ERG: variants seen among roughly 807,000 people sequenced by gnomAD.
ERG encodes transcriptional regulator ERG.
ERG carries 9 observed loss-of-function variants against 55.3 expected under a neutral mutation model. The observed-to-expected ratio is 0.16, with a 90% CI of 0.10 to 0.28. ERG has a LOEUF of 0.28. ERG is among the 10% of genes least tolerant of loss of function. The pLI is 1.00. For missense variants in ERG, 434 were observed against 631.6 expected, an observed-to-expected ratio of 0.69 and a Z score of 3.35; for synonymous variants, 223 against 237.3, an observed-to-expected ratio of 0.94 and a Z score of 0.55.
the ERG span, among the ~76,000 whole-genome samples, chr21:38,368,903 T>C: frequency 2.2e-4 from 34 of 152,186 alleles, no homozygotes; most frequent in Admixed American, 1.8e-3. Context: ...CTGTGAAGGA[T>C]AATGACCTCC....
chr21:38,573,969 G>A (rs1188978338), intron 2 of ERG, among the ~76,000 whole-genome samples: 2 of 152,116 alleles, frequency 1.3e-5, no homozygotes, highest in Admixed American at 6.5e-5. Flanking sequence ...TTTCAAAGAT[G>A]GTGTTTTCAG....
rs1481104856 is a variant in ERG, at chr21:38,460,842, T to C, written c.19-15221A>G. ...GTTTTAACGAGCTCTGAATGGCAAA[T>C]GGCAGACAATGGTGTCACTTCCTTT... On this transcript the variant is annotated intron_variant, in intron 1 of 9. Transcript: ENST00000288319. The surrounding 1 kb of genome is among the most constrained non-coding windows in gnomAD (Gnocchi z 5.0). Among the ~76,000 whole-genome samples, 1 of 152,196 alleles carries C rather than the reference T, an allele frequency of 6.6e-6. No homozygotes were observed. Among genetic ancestry groups the C allele is most frequent in the Non-Finnish European group, 1.5e-5 (1 of 68,018 alleles).
At chr21:38,519,430 G>A (rs2059577184) in intron 2 of ERG, among the ~76,000 whole-genome samples, 1 of 152,080 alleles carries the variant, frequency 6.6e-6, no homozygotes, top group African/African-American at 2.4e-5. Flanking sequence ...TAAACAATAG[G>A]AGCTGTGGCC....
intron 2 of ERG, among the ~76,000 whole-genome samples, chr21:38,430,081 AT>A (rs113562425): frequency 0.26 from 39,594 of 149,666 alleles, 5,305 homozygotes; most frequent in East Asian, 0.43. Context: ...GCCAACATCT[AT>A]TTTTTTTTTA....
At chr21:38,534,545 T>C (rs1036785910) in intron 2 of ERG, among the ~76,000 whole-genome samples, 2 of 131,340 alleles carry the variant, frequency 1.5e-5, no homozygotes, top group Non-Finnish European at 1.8e-5. Flanking sequence ...ATGGCTACTA[T>C]GAAATATAAA....
intron 2 of ERG, among the ~76,000 whole-genome samples, chr21:38,438,056 G>A (rs2058807354): frequency 6.6e-6 from 1 of 152,116 alleles, no homozygotes; most frequent in South Asian, 2.1e-4. Context: ...CAGCCACGAT[G>A]GCCTGCTTGT....
intron 3 of ERG, among the ~76,000 whole-genome samples, chr21:38,421,915 C>A (rs781720914): frequency 4.6e-5 from 7 of 152,176 alleles, no homozygotes; most frequent in South Asian, 4.1e-4. Flanking sequence ...TGCAATGGCA[C>A]AATTTTGGCT....
chr21:38,400,098 A>G (rs1279684271), intron 6 of ERG: 1 of 323,566 alleles, frequency 3.1e-6, no homozygotes, highest in East Asian at 5.0e-5. Flanking sequence ...ATGTAAATTT[A>G]TTACCTAATT....
At chr21:38,628,952 T>C (rs462006) in intron 1 of ERG, among the ~76,000 whole-genome samples, 21,267 of 152,268 alleles carry the variant, frequency 0.14, 1,949 homozygotes, top group East Asian at 0.3. Context: ...CAAACCTTTC[T>C]AAACAAATTA....
chr21:38,612,560 C>T (rs1232380158), intron 1 of ERG, among the ~76,000 whole-genome samples: 1 of 152,068 alleles, frequency 6.6e-6, no homozygotes, highest in Non-Finnish European at 1.5e-5. Context: ...TTTCTCTATC[C>T]TGCATTTTAT....
At chr21:38,493,789 T>C (rs989978082) in intron 1 of ERG, among the ~76,000 whole-genome samples, 2 of 152,166 alleles carry the variant, frequency 1.3e-5, no homozygotes, top group African/African-American at 4.8e-5. Flanking sequence ...CAAGCACCCC[T>C]GCAAGCTCCC....
chr21:38,440,926 T>C (rs2058835567), intron 2 of ERG, among the ~76,000 whole-genome samples: 1 of 152,104 alleles, frequency 6.6e-6, no homozygotes, highest in African/African-American at 2.4e-5. Context: ...TGATAACTGT[T>C]CAGCTTTCTT....
chr21:38,557,416 TTCAC>T (rs2059864792), intron 2 of ERG, among the ~76,000 whole-genome samples: 1 of 152,184 alleles, frequency 6.6e-6, no homozygotes, highest in South Asian at 2.1e-4. Flanking sequence ...GCCCCTGGGC[TTCAC>T]TCAGACAGTG....
chr21:38,440,995 C>A (rs1258331150), intron 2 of ERG, among the ~76,000 whole-genome samples: 1 of 152,126 alleles, frequency 6.6e-6, no homozygotes, highest in Non-Finnish European at 1.5e-5. Flanking sequence ...ACTGACTCAC[C>A]ACTTATGTTT....
intron 1 of ERG, among the ~76,000 whole-genome samples, chr21:38,610,521 A>AGG (rs1156755024): frequency 1.6e-5 from 2 of 124,556 alleles, no homozygotes; most frequent in African/African-American, 6.6e-5. Flanking sequence ...ACGTGCGCGC[A>AGG]CGCGCGTGTG....
In ERG at chr21:38,383,646, G is replaced by C; in HGVS notation, c.1197C>G (p.Leu399=). The change falls in exon 10 of 10, where the codon CTC becomes CTG. Residue 399 remains leucine (L), a synonymous_variant. Transcript: ENST00000288319. This position sits in a 1 kb window ranked among gnomAD's most constrained non-coding sequence, Gnocchi z 5.7. ...GAGATGACTCCGGGGGGTGGGGCTG[G>C]AGGGCCTGGGCGATCCCGTGGAAGT... is the stretch of plus-strand genomic sequence containing the variant. ...KFDFHGIAQA[L]QPHPPESSLY... The C allele has an allele frequency of 1.2e-6, 2 of 1,614,146 alleles. No individual in the cohort carries two copies. The highest frequency in any genetic ancestry group is 1.7e-6 in the Non-Finnish European group (2 of 1,180,014).
chr21:38,628,010 GT>G (rs2060335731), intron 1 of ERG, among the ~76,000 whole-genome samples: 1 of 143,246 alleles, frequency 7.0e-6, no homozygotes, highest in Non-Finnish European at 1.5e-5. Context: ...GTGCAGTGGT[GT>G]GATCTTGGCT....
intron 1 of ERG, among the ~76,000 whole-genome samples, chr21:38,603,489 C>T (rs989523417): frequency 2.6e-5 from 4 of 151,916 alleles, no homozygotes; most frequent in African/African-American, 4.8e-5. Context: ...CGTGGTGGTG[C>T]GCACCCTGTA....
chr21:38,491,965 G>GTTT (rs2059340092), intron 1 of ERG, among the ~76,000 whole-genome samples: 1 of 83,086 alleles, frequency 1.2e-5, no homozygotes, highest in Admixed American at 1.4e-4. Flanking sequence ...AAGAATTGCT[G>GTTT]CCTATGGGAT....
Sources: gnomAD v4.1 joint callset for allele counts (sites outside exome capture counted in the v4.1 genomes callset) on GRCh38, gnomAD v4.1.1 for gene constraint, Gnocchi (gnomAD v3.1) non-coding constraint, MANE v1.5 for transcripts, NCBI Gene and HGNC (gene_info 2026-07-23, HGNC 2026-07-21) for gene names.